The following OOSP2 variants were observed in gnomAD, a reference collection of about 807,000 sequenced individuals.
OOSP2 encodes oocyte secreted protein 2, also known as oocyte-secreted protein 2.
Under a neutral mutation model 13.4 loss-of-function variants are expected in OOSP2, and 7 were observed. The ratio of observed to expected loss-of-function variants is 0.52; its 90% CI spans 0.30 to 0.98. OOSP2 has a LOEUF of 0.98. OOSP2 is among the 50% of genes least tolerant of loss of function. The pLI is 0.07. For synonymous variants in OOSP2, 75 were observed against 67.2 expected (o/e 1.12, Z -0.57); for missense variants, 184 against 188.5 (o/e 0.98, Z 0.14).
chr11:60,041,850 C>CAAAAAAAAAAAAAAAAAAAAAAAAAA (rs571172974), intron 1 of OOSP2, among the ~76,000 whole-genome samples: 1 of 36,438 alleles, frequency 2.7e-5, no homozygotes, highest in African/African-American at 1.2e-4. Context: ...GACTCTGTCT[C>CAAAAAAAAAAAAAAAAAAAAAAAAAA]AAAAAAAAAA....
Position 60,048,003 on chromosome 11 carries a change from A to C in OOSP2, c.*930A>C, listed in dbSNP as rs1855028417. ...AAATTTTGCCAAGATACTGTTTATT[A>C]TTATTTTTAATTAAAGTGATACTAT... On this transcript the variant is annotated 3_prime_UTR_variant, in exon 4 of 4. Transcript: ENST00000278855. 6.6e-6 allele frequency: 1 copy of C among 152,106 alleles called. No individual in the cohort carries two copies. The highest frequency in any genetic ancestry group is 1.5e-5 in the Non-Finnish European group (1 of 67,990). 9.4% of individuals were successfully genotyped at this position (152,106 alleles called of 1,614,324 possible). A position where few individuals can be genotyped will look rare whatever the true frequency, so the allele number is the denominator to read the frequency against.
chr11:60,046,078 GTCTC>G (rs141999476), intron 3 of OOSP2, among the ~76,000 whole-genome samples: 34,115 of 146,162 alleles, frequency 0.23, 4,372 homozygotes, highest in East Asian at 0.42. Flanking sequence ...CTCTCTGTCT[GTCTC>G]TCTCTCTCTG....
rs532498257 is a variant in OOSP2, at chr11:60,041,935, G to C, written c.64+1412G>C. 1.0e-3 allele frequency among the ~76,000 whole-genome samples: 152 copies of C among 150,284 alleles called. 1 individual carries two copies. The highest frequency in any genetic ancestry group is 3.7e-3 in the African/African-American group (151 of 40,990). ...CTCACGCCTGTAATCCCAGCACTTTGGGAGCCCAAGGTGGGCGGATCACGA... is the reference window on the plus strand; with the variant it reads ...CTCACGCCTGTAATCCCAGCACTTTCGGAGCCCAAGGTGGGCGGATCACGA... On this transcript the variant is annotated intron_variant, in intron 1 of 3. Coordinates refer to ENST00000278855, the MANE Select transcript of OOSP2 (RefSeq NM_173801.5).
intron 2 of OOSP2, 63 bp downstream of exon 2, chr11:60,043,710 T>A: frequency 1.1e-6 from 1 of 886,164 alleles, no homozygotes; most frequent in Non-Finnish European, 1.8e-6. Context: ...TGCCTAGTAT[T>A]AAAATTGTCT....
chr11:60,043,399 T>C (rs1181950837), intron 1 of OOSP2, 70 bp from the exon 2 acceptor site: 3 of 956,202 alleles, frequency 3.1e-6, no homozygotes, highest in African/African-American at 3.2e-5. Flanking sequence ...GAGGGCAGAG[T>C]TGACTATTCT....
Position 60,043,191 on chromosome 11 carries a change from A to C in OOSP2, c.65-278A>C, listed in dbSNP as rs924184146. ...AAGGCTGGGATTACAGGCGTCAGCC[A>C]CTGCGCCCGGCCCATTTATGCTTTT... is the stretch of plus-strand genomic sequence containing the variant. On this transcript the variant is annotated intron_variant, in intron 1 of 3. Coordinates refer to ENST00000278855, the MANE Select transcript of OOSP2 (RefSeq NM_173801.5). 2.0e-5 allele frequency among the ~76,000 whole-genome samples: 3 copies of C among 152,218 alleles called. No homozygotes were observed. In the South Asian group the frequency reaches 6.2e-4, roughly 31 times the overall value.
In OOSP2 at chr11:60,042,278, G is replaced by A. The variant is rs567063581; in HGVS notation, c.65-1191G>A. On this transcript the variant is annotated intron_variant, in intron 1 of 3. Transcript: ENST00000278855. ...GCTGCTGGAATTTATTTTCCTTTAG[G>A]AAGGACCTTCCTGATCATCTTTCCT... is the stretch of plus-strand genomic sequence containing the variant. 1.1e-4 allele frequency among the ~76,000 whole-genome samples: 16 copies of A among 152,232 alleles called. No individual in the cohort carries two copies. The South Asian group carries it at 2.9e-3, about 28-fold the overall frequency.
At position 60,046,967 on chromosome 11, in the gene OOSP2, T is replaced by C; in HGVS notation, c.371T>C (p.Val124Ala). The C allele has an allele frequency of 6.2e-7, 1 of 1,610,726 alleles. No homozygotes were observed. The highest frequency in any genetic ancestry group is 1.7e-5 in the Admixed American group (1 of 60,000). Residue 124 changes from valine (V) to alanine (A), a missense_variant, in exon 4 of 4, where the codon GTT (valine) becomes GCT (alanine). Val to Ala is a moderately conservative substitution (Grantham distance 64). Coordinates refer to ENST00000278855, the MANE Select transcript of OOSP2 (RefSeq NM_173801.5). ...AGGAAATCAGTGTGGCTTACACCAG[T>C]TTCTACTGAGAATGAAATAAAATTG... Reference protein sequence around the residue: ...TSRKSVWLTPVSTENEIKLDP... With the variant: ...TSRKSVWLTPASTENEIKLDP...
rs888138771 is a variant in OOSP2 at position 60,047,117 on chromosome 11, G to T, written c.*44G>T. 1 of 1,535,542 alleles carries T rather than the reference G, an allele frequency of 6.5e-7. No homozygotes were observed. Among genetic ancestry groups the T allele is most frequent in the Non-Finnish European group, 8.8e-7 (1 of 1,133,986 alleles). ...ACTTGAAGCTGGTGTTATGTATTTT[G>T]CAGGAAAACAGTTTCATTTTTTCAT... On this transcript the variant is annotated 3_prime_UTR_variant, in exon 4 of 4. Coordinates refer to ENST00000278855, the MANE Select transcript of OOSP2 (RefSeq NM_173801.5).
At chr11:60,043,195 C>G (rs1305694389) in intron 1 of OOSP2, among the ~76,000 whole-genome samples, 1 of 152,196 alleles carries the variant, frequency 6.6e-6, no homozygotes, top group African/African-American at 2.4e-5. Flanking sequence ...TCAGCCACTG[C>G]GCCCGGCCCA....
chr11:60,045,579 T>G lies in OOSP2; in HGVS notation c.347+805T>G, dbSNP rs376771600. On this transcript the variant is annotated intron_variant, in intron 3 of 3. Coordinates refer to ENST00000278855, the MANE Select transcript of OOSP2 (RefSeq NM_173801.5). ...TTTTTCTCAAGGAGAGGCAGAATTT[T>G]TTTTTAATTTTGGTAAAATATACAT... 1.0e-3 allele frequency among the ~76,000 whole-genome samples: 156 copies of G among 151,240 alleles called. 6 individuals are homozygous for G. The South Asian group carries it at 0.032, about 31-fold the overall frequency.
At chr11:60,046,767 C>T (rs764601672) in intron 3 of OOSP2, 177 bp from the exon 4 acceptor site, 7 of 732,798 alleles carry the variant, frequency 9.6e-6, no homozygotes, top group East Asian at 5.1e-5. Context: ...TTCTGTAAGC[C>T]TATCTGCTCA....
chr11:60,046,694 C>G (rs78983570), intron 3 of OOSP2: 2 of 595,766 alleles, frequency 3.4e-6, no homozygotes, highest in Admixed American at 4.3e-5. Flanking sequence ...TTATCTAAGA[C>G]CATTCGTCTT....
rs368177527 is a variant in OOSP2, at chr11:60,041,034, G to C, written c.64+511G>C. On this transcript the variant is annotated intron_variant, in intron 1 of 3. Transcript: ENST00000278855. ...GTTAATAGGAGAAAGCTAAGTCAGC[G>C]CGTTGCTGTCTACAAGTTGATTCCA... 5.3e-5 allele frequency among the ~76,000 whole-genome samples: 8 copies of C among 152,296 alleles called. No individual in the cohort carries two copies. In the East Asian group the frequency reaches 1.2e-3, roughly 22 times the overall value.
chr11:60,043,510 A>T lies in OOSP2; in HGVS notation c.106A>T (p.Ile36Phe), dbSNP rs201505270. ...TCTGGACTGGTTGATGGTCTCAGTTATCCCAGTTGCAGAAAGCAGAAATCT... is the reference window on the plus strand; with the variant it reads ...TCTGGACTGGTTGATGGTCTCAGTTTTCCCAGTTGCAGAAAGCAGAAATCT... ...CSLDWLMVSV[I>F]PVAESRNLYI... Residue 36 changes from isoleucine to phenylalanine, a missense_variant, in exon 2 of 4, where the codon ATC becomes TTC. Coordinates refer to ENST00000278855, the MANE Select transcript of OOSP2 (RefSeq NM_173801.5). The T allele has an allele frequency of 1.1e-5, 17 of 1,613,560 alleles. No individual in the cohort carries two copies. The East Asian group carries it at 3.6e-4, about 34-fold the overall frequency.
Position 60,046,955 on chromosome 11 carries a change from G to T in OOSP2, c.359G>T (p.Trp120Leu). The change falls in exon 4 of 4, where the codon TGG becomes TTG. Residue 120 changes from tryptophan (W) to leucine (L), a missense_variant. Physicochemically the swap from Trp to Leu is moderately conservative, Grantham distance 61. Coordinates refer to ENST00000278855, the MANE Select transcript of OOSP2 (RefSeq NM_173801.5). Reference protein sequence around the residue: ...LECSTSRKSVWLTPVSTENEI... With the variant: ...LECSTSRKSVLLTPVSTENEI... ...TCCCTTTTCTTTAGGAAATCAGTGT[G>T]GCTTACACCAGTTTCTACTGAGAAT... is the stretch of plus-strand genomic sequence containing the variant. The T allele has an allele frequency of 6.2e-7, 1 of 1,611,008 alleles. No individual in the cohort carries two copies. Among genetic ancestry groups the T allele is most frequent in the South Asian group, 1.1e-5 (1 of 90,688 alleles).
chr11:60,042,227 C>T (rs536537985), intron 1 of OOSP2, among the ~76,000 whole-genome samples: 3 of 152,358 alleles, frequency 2.0e-5, no homozygotes, highest in East Asian at 3.9e-4. Flanking sequence ...ATGCCCACTT[C>T]TCCTTTCCAT....
intron 1 of OOSP2, among the ~76,000 whole-genome samples, chr11:60,042,944 A>G (rs984563038): frequency 4.2e-4 from 63 of 150,910 alleles, no homozygotes; most frequent in African/African-American, 8.5e-4. Context: ...TCTCTCTGTC[A>G]CCCAGGCTGG....
At position 60,040,522 on chromosome 11, in the gene OOSP2, T is replaced by G. The variant is rs772223776; in HGVS notation, c.63T>G (p.His21Gln). The change falls in exon 1 of 4, where the codon CAT becomes CAG. Residue 21 changes from histidine to glutamine, a missense_variant and splice_region_variant. Physicochemically the swap from His to Gln is conservative, Grantham distance 24 (BLOSUM62 0). Transcript: ENST00000278855. ...TTTGGACCGGTGCTGAGAACCTCCA[T>G]GGTAAATAACAAGTTTTAGAGAATG... Reference protein sequence around the residue: ...VLIWTGAENLHVKISCSLDWL... With the variant: ...VLIWTGAENLQVKISCSLDWL... 2 of 1,551,360 alleles carry G rather than the reference T, an allele frequency of 1.3e-6. No individual in the cohort carries two copies. Among genetic ancestry groups the G allele is most frequent in the Admixed American group, 3.3e-5 (2 of 59,944 alleles).
Sources: allele counts gnomAD v4.1 joint callset (sites outside exome capture counted in the v4.1 genomes callset), GRCh38; gene constraint gnomAD v4.1.1; transcripts MANE v1.5; gene names NCBI Gene and HGNC (gene_info 2026-07-23, HGNC 2026-07-21).